Variants in OPCML observed in about 807,000 individuals in gnomAD.
OPCML encodes opioid binding protein/cell adhesion molecule like.
OPCML carries 13 observed loss-of-function variants against 37.8 expected under a neutral mutation model. The ratio of observed to expected loss-of-function variants is 0.34; its 90% confidence interval spans 0.22 to 0.55. OPCML has a LOEUF of 0.55. Among genes scored for constraint, OPCML ranks in the 20% least tolerant of loss-of-function variants. The pLI is 0.91. For synonymous variants in OPCML, 176 were observed against 168.8 expected, an observed-to-expected ratio of 1.04 and a Z score of -0.33; for missense variants, 341 against 435.6, an observed-to-expected ratio of 0.78 and a Z score of 1.93.
chr11:132,575,500 T>G (rs2096448298), intron 3 of OPCML, among the ~76,000 whole-genome samples: 1 of 152,098 alleles, frequency 6.6e-6, no homozygotes, highest in South Asian at 2.1e-4. Flanking sequence ...CAACTTAAGT[T>G]TAATGACATG....
chr11:132,788,328 C>T (rs1937652456), intron 2 of OPCML, among the ~76,000 whole-genome samples: 2 of 152,130 alleles, frequency 1.3e-5, no homozygotes, highest in South Asian at 4.2e-4. Context: ...TCCTTGACAC[C>T]TCCCTTACCC....
intron 3 of OPCML, among the ~76,000 whole-genome samples, chr11:132,550,198 G>A (rs1249108176): frequency 3.3e-5 from 5 of 152,184 alleles, no homozygotes; most frequent in Non-Finnish European, 7.3e-5. Context: ...TGAAGCTAAT[G>A]TAATCTGTGA....
chr11:132,805,607 G>C (rs1403558097), intron 2 of OPCML, among the ~76,000 whole-genome samples: 2 of 152,188 alleles, frequency 1.3e-5, no homozygotes. Flanking sequence ...AGGAAAGACA[G>C]TGGAACAACC....
intron 1 of OPCML, among the ~76,000 whole-genome samples, chr11:133,008,700 C>T (rs1947158869): frequency 6.6e-6 from 1 of 152,330 alleles, no homozygotes; most frequent in East Asian, 1.9e-4. Context: ...CATTGCTGCA[C>T]CAGAATCTCC....
At position 133,480,575 on chromosome 11, in the gene OPCML, C is replaced by G. The variant is rs1405359194; in HGVS notation, c.61+51689G>C. Among the ~76,000 whole-genome samples the G allele has an allele frequency of 2.0e-5, 3 of 152,298 alleles. No homozygotes were observed. The East Asian group carries it at 5.8e-4, about 29-fold the overall frequency. On this transcript the variant is annotated intron_variant, in intron 1 of 7. Coordinates refer to ENST00000524381, the MANE Select transcript of OPCML (RefSeq NM_001012393.5). Reference sequence around the variant, plus strand: ...GCCCTCAGGCAGCATCACTCAGGCTCTTGTTCTGACTGTAAAATCCTATCC... The same window carrying G: ...GCCCTCAGGCAGCATCACTCAGGCTGTTGTTCTGACTGTAAAATCCTATCC...
At chr11:133,005,632 G>C in intron 1 of OPCML, 1 of 980,682 alleles carries the variant, frequency 1.0e-6, no homozygotes, top group Non-Finnish European at 1.2e-6. Flanking sequence ...CTTTCTGATG[G>C]CTCAGCCATC....
intron 2 of OPCML, among the ~76,000 whole-genome samples, chr11:132,833,377 T>C (rs1361474345): frequency 1.3e-5 from 2 of 151,808 alleles, no homozygotes; most frequent in African/African-American, 4.8e-5. Context: ...CCTCCGTATC[T>C]CATCCCACTC....
chr11:132,943,290 G>A lies in OPCML; in HGVS notation c.62-280C>T, dbSNP rs1945648722. On this transcript the variant is annotated intron_variant, in intron 1 of 7. Transcript: ENST00000524381. This position sits in a 1 kb window ranked among gnomAD's most constrained non-coding sequence, Gnocchi z 4.3. ...CCTCAGATCCTGCCTCAGCTTTCCA[G>A]CCTAGCAGAACCAGATGCCCCCTCC... is the stretch of plus-strand genomic sequence containing the variant. The A allele has an allele frequency of 2.6e-6, 2 of 783,794 alleles. No homozygotes were observed. Among genetic ancestry groups the A allele is most frequent in the African/African-American group, 1.7e-5 (1 of 57,306 alleles). 48.6% of individuals were successfully genotyped at this position (783,794 alleles called of 1,614,324 possible).
chr11:132,805,460 C>T (rs1035034832), intron 2 of OPCML, among the ~76,000 whole-genome samples: 4 of 152,106 alleles, frequency 2.6e-5, no homozygotes, highest in African/African-American at 9.7e-5. Context: ...GTCCAGCAAA[C>T]ATGAAACAGA....
At chr11:133,399,289 T>C (rs1945351323) in intron 1 of OPCML, among the ~76,000 whole-genome samples, 2 of 152,166 alleles carry the variant, frequency 1.3e-5, no homozygotes, top group Non-Finnish European at 1.5e-5. Flanking sequence ...CTTTTGGGCT[T>C]AGGAATAAGA....
chr11:133,266,903 C>A (rs895443720), intron 1 of OPCML, among the ~76,000 whole-genome samples: 1 of 152,246 alleles, frequency 6.6e-6, no homozygotes, highest in Non-Finnish European at 1.5e-5. Context: ...GATGAGATGT[C>A]CTCAGGGCAG....
intron 1 of OPCML, among the ~76,000 whole-genome samples, chr11:133,133,499 T>C (rs1949635704): frequency 1.3e-5 from 2 of 152,158 alleles, no homozygotes; most frequent in African/African-American, 2.4e-5. Context: ...CTCCTCTCCT[T>C]GCCCCCTGGG....
chr11:133,419,236 T>C, intron 1 of OPCML: 8 of 985,348 alleles, frequency 8.1e-6, no homozygotes, highest in Non-Finnish European at 9.6e-6. Context: ...ATTACAGTCA[T>C]AGTTGGGAGA....
At chr11:132,542,902 T>C (rs2096360349) in intron 3 of OPCML, among the ~76,000 whole-genome samples, 1 of 152,278 alleles carries the variant, frequency 6.6e-6, no homozygotes, top group African/African-American at 2.4e-5. Flanking sequence ...GCCTCACCCC[T>C]GCACCCAAGT....
intron 1 of OPCML, among the ~76,000 whole-genome samples, chr11:133,383,813 G>T (rs1363442288): frequency 6.6e-6 from 1 of 152,160 alleles, no homozygotes; most frequent in African/African-American, 2.4e-5. Flanking sequence ...CTGAGACTGT[G>T]TAATGTTTCT....
chr11:133,281,041 G>A (rs722449), intron 1 of OPCML, among the ~76,000 whole-genome samples: 6,090 of 152,254 alleles, frequency 0.04, 158 homozygotes, highest in Middle Eastern at 0.054. Context: ...GAAATTGTCT[G>A]AATAAGAGAA....
intron 1 of OPCML, among the ~76,000 whole-genome samples, chr11:132,982,466 G>T (rs187158525): frequency 1.3e-5 from 2 of 150,696 alleles, no homozygotes; most frequent in African/African-American, 2.4e-5. Flanking sequence ...ATAGGAATTC[G>T]TTGGACAAGA....
intron 4 of OPCML, among the ~76,000 whole-genome samples, chr11:132,448,337 G>A (rs1329839833): frequency 1.3e-5 from 2 of 152,086 alleles, no homozygotes; most frequent in South Asian, 2.1e-4. Context: ...ACTTGTATTA[G>A]CTTGTAGGCA....
intron 2 of OPCML, among the ~76,000 whole-genome samples, chr11:132,683,341 C>T (rs543852107): frequency 1.3e-5 from 2 of 152,262 alleles, no homozygotes; most frequent in Admixed American, 1.3e-4. Context: ...CGCCACTGCA[C>T]TCCAGCCTGG....
Sources: allele counts gnomAD v4.1 joint callset (sites outside exome capture counted in the v4.1 genomes callset), GRCh38; gene constraint gnomAD v4.1.1; non-coding constraint Gnocchi (gnomAD v3.1); transcripts MANE v1.5; gene names NCBI Gene and HGNC (gene_info 2026-07-23, HGNC 2026-07-21).